The following THSD4 variants were observed in gnomAD, a reference collection of about 807,000 sequenced individuals.
THSD4 encodes thrombospondin type-1 domain-containing protein 4.
THSD4 carries 69 observed loss-of-function variants against 119.0 expected under a neutral mutation model. That is an observed-to-expected ratio of 0.58 (90% CI 0.48 to 0.71). The LOEUF is 0.71. Ranked by LOEUF, THSD4 falls within the 30% of genes least tolerant of loss-of-function variation. THSD4 has a pLI of 0.00. For synonymous variants in THSD4, 524 were observed against 540.4 expected, an observed-to-expected ratio of 0.97 and a Z score of 0.42; for missense variants, 1,393 against 1,391.1, an observed-to-expected ratio of 1.00 and a Z score of -0.02.
chr15:71,237,265 A>G (rs1319774197), intron 4 of THSD4, among the ~76,000 whole-genome samples: 2 of 152,236 alleles, frequency 1.3e-5, no homozygotes, highest in South Asian at 2.1e-4. Context: ...CAAGAGCATC[A>G]TCATCATCTG....
At chr15:71,439,464 A>G (rs1289994526) in intron 7 of THSD4, among the ~76,000 whole-genome samples, 1 of 152,164 alleles carries the variant, frequency 6.6e-6, no homozygotes, top group Non-Finnish European at 1.5e-5. Context: ...GTGATGATTC[A>G]TCAAGGATCT....
chr15:71,584,646 T>C (rs1325920306), intron 7 of THSD4, among the ~76,000 whole-genome samples: 1 of 152,246 alleles, frequency 6.6e-6, no homozygotes. Context: ...TAGTTGATCT[T>C]GTTTTTTAAT....
chr15:71,456,397 T>G (rs1014508310), intron 7 of THSD4, among the ~76,000 whole-genome samples: 1 of 152,226 alleles, frequency 6.6e-6, no homozygotes, highest in Non-Finnish European at 1.5e-5. Flanking sequence ...ATGATCATCT[T>G]TGTTGAAAAA....
intron 6 of THSD4, among the ~76,000 whole-genome samples, chr15:71,261,043 G>T (rs958793680): frequency 6.6e-6 from 1 of 152,144 alleles, no homozygotes; most frequent in African/African-American, 2.4e-5. Flanking sequence ...CAGAGGTTGC[G>T]GTGAGCCGAG....
chr15:71,544,801 C>T (rs1404881479), intron 7 of THSD4, among the ~76,000 whole-genome samples: 8 of 152,158 alleles, frequency 5.3e-5, no homozygotes, highest in Non-Finnish European at 1.2e-4. Context: ...GTGGTATATC[C>T]ATACAATGGA....
chr15:71,549,410 C>T (rs1047986902), intron 7 of THSD4, among the ~76,000 whole-genome samples: 4 of 152,074 alleles, frequency 2.6e-5, no homozygotes, highest in Admixed American at 1.3e-4. Flanking sequence ...GGCTCCAGAA[C>T]GCCTGAGCTC....
rs529121526 is a variant in THSD4, at chr15:71,605,092, G to T, written c.1153-55438G>T. ...AGGTAGAGGAAATAACAAGCAGAAA[G>T]ACCCAAGAAAGGTGCATCTCTTACA... On this transcript the variant is annotated intron_variant, in intron 7 of 17. Coordinates refer to ENST00000261862, the MANE Select transcript of THSD4 (RefSeq NM_024817.3). Among the ~76,000 whole-genome samples, 31 of 152,020 alleles carry T rather than the reference G, an allele frequency of 2.0e-4. 2 individuals are homozygous for T. The South Asian group carries it at 6.4e-3, about 32-fold the overall frequency.
intron 8 of THSD4, among the ~76,000 whole-genome samples, chr15:71,702,770 A>G (rs1461062300): frequency 6.6e-6 from 1 of 152,112 alleles, no homozygotes; most frequent in East Asian, 1.9e-4. Flanking sequence ...CCACACACTC[A>G]GGCACCTCCT....
intron 7 of THSD4, among the ~76,000 whole-genome samples, chr15:71,450,866 T>C (rs2047254303): frequency 6.6e-6 from 1 of 152,162 alleles, no homozygotes. Context: ...TATTGCATCC[T>C]GAGCTACAGA....
At chr15:71,688,464 T>C (rs1384050419) in intron 8 of THSD4, among the ~76,000 whole-genome samples, 3 of 152,192 alleles carry the variant, frequency 2.0e-5, no homozygotes, top group African/African-American at 7.2e-5. Flanking sequence ...AAATGAAAAG[T>C]AAAATGCTAA....
intron 7 of THSD4, among the ~76,000 whole-genome samples, chr15:71,446,830 G>A (rs1194172820): frequency 1.3e-5 from 2 of 152,176 alleles, no homozygotes; most frequent in African/African-American, 4.8e-5. Flanking sequence ...AGTCCAGCAG[G>A]AGGAGGAGCC....
intron 8 of THSD4, among the ~76,000 whole-genome samples, chr15:71,697,100 T>G (rs1218668870): frequency 6.6e-6 from 1 of 152,122 alleles, no homozygotes; most frequent in Non-Finnish European, 1.5e-5. Context: ...CAAAAGGGGA[T>G]GATTCAAGTG....
intron 3 of THSD4, among the ~76,000 whole-genome samples, chr15:71,192,043 C>T (rs1366684521): frequency 2.6e-5 from 4 of 151,698 alleles, no homozygotes; most frequent in Admixed American, 2.6e-4. Flanking sequence ...CCTGGGATTA[C>T]AGGTGCCCAC....
chr15:71,534,435 C>T (rs1191054077), intron 7 of THSD4, among the ~76,000 whole-genome samples: 2 of 152,152 alleles, frequency 1.3e-5, no homozygotes, highest in African/African-American at 2.4e-5. Context: ...AATTGGTTTT[C>T]GTATTAGAGT....
At chr15:71,325,365 A>T (rs2045324894) in intron 6 of THSD4, among the ~76,000 whole-genome samples, 2 of 152,322 alleles carry the variant, frequency 1.3e-5, no homozygotes, top group South Asian at 4.1e-4. Context: ...ACAGTCTCTG[A>T]GTACTTACCC....
At chr15:71,167,085 T>C (rs1397359209) in intron 3 of THSD4, 2 of 152,194 alleles carry the variant, frequency 1.3e-5, no homozygotes, top group Non-Finnish European at 2.9e-5. Flanking sequence ...GAGTTTCTTT[T>C]TGATGTTTTA....
intron 7 of THSD4, among the ~76,000 whole-genome samples, chr15:71,634,698 TCTC>T (rs1241237600): frequency 2.0e-5 from 3 of 151,966 alleles, no homozygotes; most frequent in African/African-American, 4.8e-5. Flanking sequence ...GAGAGTAAGA[TCTC>T]CTCGGAAGTC....
chr15:71,459,545 A>G (rs1189261564), intron 7 of THSD4, among the ~76,000 whole-genome samples: 2 of 152,202 alleles, frequency 1.3e-5, no homozygotes, highest in South Asian at 2.1e-4. Context: ...GTTTTCTTCA[A>G]ATAGTTGTAT....
intron 3 of THSD4, among the ~76,000 whole-genome samples, chr15:71,162,476 G>A (rs565525819): frequency 1.8e-4 from 27 of 151,902 alleles, no homozygotes; most frequent in Non-Finnish European, 3.2e-4. Context: ...GGCCTGAAAG[G>A]TTTCTGCTAA....
Sources: allele counts gnomAD v4.1 joint callset (sites outside exome capture counted in the v4.1 genomes callset), GRCh38; gene constraint gnomAD v4.1.1; transcripts MANE v1.5; gene names NCBI Gene and HGNC (gene_info 2026-07-23, HGNC 2026-07-21).